Variants in SERGEF observed in about 807,000 individuals in gnomAD.
SERGEF encodes secretion regulating guanine nucleotide exchange factor.
SERGEF carries 51 observed loss-of-function variants against 50.0 expected under a neutral mutation model. The observed-to-expected ratio is 1.02, with a 90% confidence interval of 0.81 to 1.29. The LOEUF is 1.29. Among genes scored for constraint, SERGEF ranks in the 50% most tolerant of loss-of-function variants. SERGEF has a pLI of 0.00. For synonymous variants in SERGEF, 205 were observed against 212.4 expected, an observed-to-expected ratio of 0.97 and a Z score of 0.30; for missense variants, 521 against 557.0, an observed-to-expected ratio of 0.94 and a Z score of 0.65.
intron 9 of SERGEF, among the ~76,000 whole-genome samples, chr11:17,911,642 C>G (rs540854291): frequency 1.8e-4 from 27 of 151,996 alleles, no homozygotes; most frequent in Non-Finnish European, 2.9e-4. Flanking sequence ...TGCGCACCAC[C>G]ACACCCAGCT....
At chr11:17,814,166 C>T (rs561739629) in intron 10 of SERGEF, among the ~76,000 whole-genome samples, 1 of 152,338 alleles carries the variant, frequency 6.6e-6, no homozygotes, top group African/African-American at 2.4e-5. Flanking sequence ...GTTGTTTGAT[C>T]AAACACTAGT....
At chr11:17,812,468 G>T (rs1368507005) in intron 10 of SERGEF, among the ~76,000 whole-genome samples, 1 of 152,240 alleles carries the variant, frequency 6.6e-6, no homozygotes, top group Non-Finnish European at 1.5e-5. Flanking sequence ...ACCAGGGTTA[G>T]ATCTGGCAGG....
At chr11:17,832,762 ACT>A (rs2133855253) in intron 10 of SERGEF, among the ~76,000 whole-genome samples, 1 of 152,078 alleles carries the variant, frequency 6.6e-6, no homozygotes, top group South Asian at 2.1e-4. Flanking sequence ...AGCAAAAGTG[ACT>A]CTTGTTATGT....
intron 10 of SERGEF, among the ~76,000 whole-genome samples, chr11:17,823,708 C>T (rs1246184839): frequency 1.3e-5 from 2 of 152,122 alleles, no homozygotes; most frequent in Non-Finnish European, 2.9e-5. Flanking sequence ...GCTTAGGGCA[C>T]TCAGGGTACT....
intron 8 of SERGEF, among the ~76,000 whole-genome samples, chr11:17,971,425 C>T (rs540882237): frequency 6.6e-6 from 1 of 152,316 alleles, no homozygotes. Context: ...GAAGCCAATT[C>T]TCATTCACCA....
intron 9 of SERGEF, among the ~76,000 whole-genome samples, chr11:17,886,007 G>A (rs1453770494): frequency 6.6e-6 from 1 of 152,114 alleles, no homozygotes; most frequent in Non-Finnish European, 1.5e-5. Flanking sequence ...TCAGTGTGAG[G>A]TAATGGAGAG....
chr11:17,868,804 G>C (rs1202767810), intron 10 of SERGEF, among the ~76,000 whole-genome samples: 1 of 152,176 alleles, frequency 6.6e-6, no homozygotes, highest in Admixed American at 6.5e-5. Context: ...GGCAAAGAGA[G>C]AGCTTGTGCA....
intron 10 of SERGEF, among the ~76,000 whole-genome samples, chr11:17,811,010 C>T (rs919074629): frequency 3.9e-5 from 6 of 152,072 alleles, no homozygotes; most frequent in Admixed American, 2.0e-4. Context: ...CAGAGGCTGG[C>T]AGAAGGGGTC....
At chr11:17,803,534 C>T (rs968337715) in intron 10 of SERGEF, among the ~76,000 whole-genome samples, 2 of 152,238 alleles carry the variant, frequency 1.3e-5, no homozygotes, top group Non-Finnish European at 2.9e-5. Flanking sequence ...GTTTCTTCAT[C>T]TGTAAATAAG....
intron 10 of SERGEF, among the ~76,000 whole-genome samples, chr11:17,798,537 TGA>T (rs1349018735): frequency 6.6e-6 from 1 of 152,230 alleles, no homozygotes; most frequent in Non-Finnish European, 1.5e-5. Flanking sequence ...TCACCTGCAG[TGA>T]GAGCGTGCTG....
At chr11:17,973,147 A>G (rs1269998713) in intron 8 of SERGEF, among the ~76,000 whole-genome samples, 1 of 152,196 alleles carries the variant, frequency 6.6e-6, no homozygotes, top group African/African-American at 2.4e-5. Flanking sequence ...AGCCAAAGGA[A>G]AGCCGCAGTT....
At chr11:17,834,204 A>G (rs1040125839) in intron 10 of SERGEF, among the ~76,000 whole-genome samples, 2 of 152,070 alleles carry the variant, frequency 1.3e-5, no homozygotes, top group African/African-American at 4.8e-5. Context: ...GTCCCATAAG[A>G]TCTGATGGTT....
chr11:17,839,339 CTT>C (rs913526200), intron 10 of SERGEF, among the ~76,000 whole-genome samples: 1 of 152,158 alleles, frequency 6.6e-6, no homozygotes, highest in African/African-American at 2.4e-5. Flanking sequence ...CAGAGACACA[CTT>C]TAGGATTTTA....
intron 10 of SERGEF, among the ~76,000 whole-genome samples, chr11:17,845,232 T>C (rs1235411927): frequency 6.6e-6 from 1 of 152,232 alleles, no homozygotes; most frequent in Non-Finnish European, 1.5e-5. Flanking sequence ...GTCCATTTTT[T>C]TTTATAGCCT....
At chr11:18,008,554 C>T (rs2134015413) in intron 1 of SERGEF, among the ~76,000 whole-genome samples, 1 of 152,336 alleles carries the variant, frequency 6.6e-6, no homozygotes, top group Non-Finnish European at 1.5e-5. Context: ...CCTATGAGGT[C>T]CTTGGCCTAG....
intron 9 of SERGEF, among the ~76,000 whole-genome samples, chr11:17,924,083 C>G (rs1180817522): frequency 6.6e-6 from 1 of 152,160 alleles, no homozygotes; most frequent in Non-Finnish European, 1.5e-5. Context: ...ATCTAAAGCC[C>G]TTACTTATCC....
At chr11:17,942,241 G>C (rs1404894187) in intron 9 of SERGEF, among the ~76,000 whole-genome samples, 1 of 152,118 alleles carries the variant, frequency 6.6e-6, no homozygotes, top group Non-Finnish European at 1.5e-5. Context: ...TCCAATCTGT[G>C]AGTGTGATAT....
At chr11:17,919,892 G>C (rs949012882) in intron 9 of SERGEF, among the ~76,000 whole-genome samples, 3 of 149,280 alleles carry the variant, frequency 2.0e-5, no homozygotes, top group African/African-American at 4.9e-5. Context: ...GTTGCAGTGA[G>C]CTGAGATTGT....
At position 18,004,514 on chromosome 11, in the gene SERGEF, CAT is replaced by C. The variant is rs750826632; in HGVS notation, c.372_373del (p.Cys125TrpfsTer24). Reference sequence around the variant, plus strand: ...TAACTGGCCAAAGGAGTTGGATCCACATGATAGAACTTGACCATTTTCTGCAA... The same window carrying C: ...TAACTGGCCAAAGGAGTTGGATCCACGATAGAACTTGACCATTTTCTGCAA... On this transcript the variant is annotated frameshift_variant, in exon 4 of 11. Transcript: ENST00000265965. LOFTEE classifies it high-confidence loss of function. 6.2e-7 allele frequency: 1 copy of C among 1,613,036 alleles called. No homozygotes were observed. Among genetic ancestry groups the C allele is most frequent in the African/African-American group, 1.3e-5 (1 of 74,906 alleles).
Sources: allele counts gnomAD v4.1 joint callset (sites outside exome capture counted in the v4.1 genomes callset), GRCh38; gene constraint gnomAD v4.1.1; transcripts MANE v1.5; gene names NCBI Gene and HGNC (gene_info 2026-07-23, HGNC 2026-07-21).